DLG2: variants seen among roughly 807,000 people sequenced by gnomAD.
DLG2 encodes the protein disks large homolog 2.
A neutral mutation model predicts 132.5 loss-of-function variants in DLG2; 45 were observed. The ratio of observed to expected loss-of-function variants is 0.34; its 90% CI spans 0.27 to 0.44. The LOEUF is 0.44. DLG2 is among the 20% of genes least tolerant of loss of function. The probability of loss-of-function intolerance (pLI) is 1.00; values close to 1 mark genes in which losing one functional copy is unlikely to be tolerated. For missense variants in DLG2, 1,045 were observed against 1,196.9 expected, an observed-to-expected ratio of 0.87 and a Z score of 1.87; for synonymous variants, 424 against 419.6, an observed-to-expected ratio of 1.01 and a Z score of -0.13.
At chr11:84,580,261 T>C (rs1219762940) in intron 6 of DLG2, among the ~76,000 whole-genome samples, 5 of 152,280 alleles carry the variant, frequency 3.3e-5, no homozygotes, top group South Asian at 4.1e-4. Context: ...GATTAAGATA[T>C]GGAGAAAATG....
At chr11:85,192,665 T>G (rs1173646077) in intron 4 of DLG2, among the ~76,000 whole-genome samples, 1 of 152,232 alleles carries the variant, frequency 6.6e-6, no homozygotes, top group Non-Finnish European at 1.5e-5. Flanking sequence ...TTTTAATATT[T>G]CCTTAGATTA....
intron 18 of DLG2, among the ~76,000 whole-genome samples, chr11:83,724,472 TGTGTGA>T (rs1454644212): frequency 3.2e-4 from 31 of 97,532 alleles, no homozygotes; most frequent in Admixed American, 5.1e-4. Flanking sequence ...TGTGTGTGTG[TGTGTGA>T]GAGAGAGAGA....
intron 11 of DLG2, among the ~76,000 whole-genome samples, chr11:83,995,566 T>G (rs555004341): frequency 6.6e-6 from 1 of 152,310 alleles, no homozygotes; most frequent in African/African-American, 2.4e-5. Context: ...ATTCCCTGAC[T>G]TCAAATTATG....
intron 7 of DLG2, among the ~76,000 whole-genome samples, chr11:84,321,020 C>T (rs2098401407): frequency 6.6e-6 from 1 of 152,088 alleles, no homozygotes; most frequent in African/African-American, 2.4e-5. Context: ...AGGTAATAAT[C>T]ACTTAAAATT....
At chr11:85,137,670 C>T (rs1327127284) in intron 5 of DLG2, among the ~76,000 whole-genome samples, 1 of 152,108 alleles carries the variant, frequency 6.6e-6, no homozygotes, top group Non-Finnish European at 1.5e-5. Flanking sequence ...GGAATAACCC[C>T]AGAAGGAATG....
intron 16 of DLG2, among the ~76,000 whole-genome samples, chr11:83,855,543 GC>G (rs1221496072): frequency 6.6e-6 from 1 of 152,108 alleles, no homozygotes; most frequent in Non-Finnish European, 1.5e-5. Context: ...AAACTTAAAT[GC>G]ATATAAGCAA....
chr11:83,906,085 A>C (rs199677071), intron 15 of DLG2, among the ~76,000 whole-genome samples: 17,383 of 76,990 alleles, frequency 0.23, 1,055 homozygotes, highest in African/African-American at 0.28. Context: ...CTCTCTCTAT[A>C]TATATATATA....
At chr11:85,279,399 A>C (rs770935653) in intron 4 of DLG2, among the ~76,000 whole-genome samples, 4 of 152,116 alleles carry the variant, frequency 2.6e-5, no homozygotes, top group Non-Finnish European at 5.9e-5. Flanking sequence ...GGAGAGAGAA[A>C]GGAAACAGAA....
At chr11:83,634,600 A>T (rs2064315017) in intron 18 of DLG2, among the ~76,000 whole-genome samples, 1 of 152,190 alleles carries the variant, frequency 6.6e-6, no homozygotes, top group Non-Finnish European at 1.5e-5. Flanking sequence ...TTTCAATTCA[A>T]TTTATTCACA....
intron 12 of DLG2, among the ~76,000 whole-genome samples, chr11:83,965,686 T>C (rs2090013193): frequency 6.6e-6 from 1 of 151,966 alleles, no homozygotes; most frequent in Non-Finnish European, 1.5e-5. Flanking sequence ...GGAAGTGATA[T>C]ACAGTAATGG....
At chr11:84,386,848 G>A (rs113822346) in intron 7 of DLG2, among the ~76,000 whole-genome samples, 2 of 151,922 alleles carry the variant, frequency 1.3e-5, no homozygotes, top group Non-Finnish European at 2.9e-5. Flanking sequence ...TGCTTTGTAG[G>A]CCTGAAAAAT....
intron 15 of DLG2, among the ~76,000 whole-genome samples, chr11:83,913,468 G>A (rs2076409393): frequency 6.6e-6 from 1 of 152,082 alleles, no homozygotes; most frequent in Admixed American, 6.6e-5. Flanking sequence ...AACTCAAGAA[G>A]CTCACAGTCT....
At chr11:84,053,803 G>A (rs575395812) in intron 11 of DLG2, among the ~76,000 whole-genome samples, 1 of 151,974 alleles carries the variant, frequency 6.6e-6, no homozygotes, top group South Asian at 2.1e-4. Context: ...GTGTTCATTG[G>A]TATAGTAACT....
intron 21 of DLG2, among the ~76,000 whole-genome samples, chr11:83,520,806 A>T (rs1211569590): frequency 6.6e-6 from 1 of 152,164 alleles, no homozygotes; most frequent in Non-Finnish European, 1.5e-5. Flanking sequence ...CCTTCATGCT[A>T]TGACTCTTGT....
At chr11:83,667,566 A>G (rs1280992407) in intron 18 of DLG2, among the ~76,000 whole-genome samples, 1 of 152,224 alleles carries the variant, frequency 6.6e-6, no homozygotes, top group Non-Finnish European at 1.5e-5. Context: ...AAATGCAGCC[A>G]GCTTGTTCAA....
At chr11:85,589,081 G>A (rs753399676) in intron 3 of DLG2, among the ~76,000 whole-genome samples, 1 of 152,196 alleles carries the variant, frequency 6.6e-6, no homozygotes, top group African/African-American at 2.4e-5. Flanking sequence ...TGGCAGGGGC[G>A]TGAAATAGAC....
At chr11:84,157,553 C>G (rs967160381) in intron 9 of DLG2, among the ~76,000 whole-genome samples, 2 of 152,192 alleles carry the variant, frequency 1.3e-5, no homozygotes, top group African/African-American at 4.8e-5. Context: ...GCCTCAGCCT[C>G]CTGAGTAGCT....
chr11:83,581,204 C>A (rs1024482920), intron 19 of DLG2, among the ~76,000 whole-genome samples: 3 of 151,944 alleles, frequency 2.0e-5, no homozygotes, highest in South Asian at 2.1e-4. Flanking sequence ...TCTGTCCATT[C>A]CATGGAGACA....
chr11:83,614,760 A>T lies in DLG2; in HGVS notation c.1940+18451T>A, dbSNP rs116599786. ...CCAACCAGATGCCGTCTTTAATTTC[A>T]GTGAACTTAACAAATATTTATGCAA... On this transcript the variant is annotated intron_variant, in intron 19 of 27. Transcript: ENST00000376104. Among the ~76,000 whole-genome samples the T allele has an allele frequency of 9.3e-3, 1,419 of 152,292 alleles. 15 individuals are homozygous for T. Among genetic ancestry groups the T allele is most frequent in the African/African-American group, 0.033 (1,358 of 41,560 alleles).
Sources: gnomAD v4.1 joint callset for allele counts (sites outside exome capture counted in the v4.1 genomes callset) on GRCh38, gnomAD v4.1.1 for gene constraint, MANE v1.5 for transcripts, NCBI Gene and HGNC (gene_info 2026-07-23, HGNC 2026-07-21) for gene names.